The following ODF2L variants were observed in gnomAD, a reference collection of about 807,000 sequenced individuals.
ODF2L encodes outer dense fiber of sperm tails 2 like, also known as protein BCAP.
ODF2L carries 76 observed loss-of-function variants against 86.3 expected under a neutral mutation model. The observed-to-expected ratio is 0.88, with a 90% CI of 0.73 to 1.07. The LOEUF (loss-of-function observed/expected upper bound fraction) is 1.07, where lower values mean the gene tolerates loss of function less well. Ranked by LOEUF, ODF2L falls within the 50% of genes least tolerant of loss-of-function variation. ODF2L has a pLI of 0.00. For missense variants in ODF2L, 748 were observed against 717.4 expected (o/e 1.04, Z -0.49); for synonymous variants, 241 against 231.3 (o/e 1.04, Z -0.38).
At chr1:86,387,229 T>C (rs920377754) in intron 1 of ODF2L, 143 bp from the exon 2 acceptor site, 6 of 414,670 alleles carry the variant, frequency 1.4e-5, no homozygotes, top group African/African-American at 8.3e-5. Flanking sequence ...CTCATTGTTA[T>C]AGTACTTCAA....
chr1:86,384,326 T>G (rs1227767322), intron 4 of ODF2L, among the ~76,000 whole-genome samples: 1 of 151,816 alleles, frequency 6.6e-6, no homozygotes, highest in Non-Finnish European at 1.5e-5. Context: ...AAGAACTGTA[T>G]GGTATGTGAA....
chr1:86,373,134 C>A (rs1194748248), intron 8 of ODF2L, among the ~76,000 whole-genome samples: 1 of 152,014 alleles, frequency 6.6e-6, no homozygotes, highest in Non-Finnish European at 1.5e-5. Flanking sequence ...AGTCACTGTA[C>A]AACTTTGAAT....
chr1:86,354,453 T>C, intron 16 of ODF2L, 77 bp downstream of exon 15: 3 of 917,888 alleles, frequency 3.3e-6, no homozygotes, highest in Middle Eastern at 2.7e-4. Flanking sequence ...AAACAATAAC[T>C]ACAGGTTGCA....
chr1:86,387,125 GT>G (rs1029323755), intron 1 of ODF2L, 39 bp from the exon 2 acceptor site: 9 of 563,440 alleles, frequency 1.6e-5, no homozygotes, highest in South Asian at 2.8e-5. Context: ...TTTCAATAGA[GT>G]TTTTTTGTCA....
At chr1:86,353,071 A>G in intron 16 of ODF2L, 87 bp from the exon 16 acceptor site, 1 of 835,756 alleles carries the variant, frequency 1.2e-6, no homozygotes, top group Non-Finnish European at 1.9e-6. Flanking sequence ...CCTTTTTTCT[A>G]AACAGATATT....
exon 12 of ODF2L, chr1:86,360,479 A>G: frequency 3.7e-6 from 6 of 1,605,102 alleles, no homozygotes; most frequent in Non-Finnish European, 5.1e-6. Flanking sequence ...ACTTCTTGCA[A>G]TTCTGAGAGT....
chr1:86,395,082 A>C (rs1427948741), intron 1 of ODF2L, among the ~76,000 whole-genome samples: 1 of 152,024 alleles, frequency 6.6e-6, no homozygotes, highest in Non-Finnish European at 1.5e-5. Context: ...TAACCTCGTG[A>C]TCCGCCCGCC....
chr1:86,355,059 T>C, intron 14 of ODF2L, 200 bp from the exon 14 acceptor site: 1 of 552,980 alleles, frequency 1.8e-6, no homozygotes, highest in Non-Finnish European at 3.2e-6. Flanking sequence ...GAAGTTATGT[T>C]GCCTGTATTG....
At chr1:86,346,975 C>T (rs1040119683), downstream of ODF2L, 1 of 152,192 alleles carries the variant, frequency 6.6e-6, no homozygotes, top group Admixed American at 6.5e-5. Flanking sequence ...CTAACCTTTC[C>T]ATGTCTTAGT....
intron 13 of ODF2L, 73 bp downstream of exon 12, chr1:86,358,714 A>C: frequency 1.7e-6 from 1 of 593,488 alleles, no homozygotes; most frequent in Non-Finnish European, 2.8e-6. Flanking sequence ...AATGACCAAA[A>C]TGAATGAATT....
At chr1:86,384,643 T>G (rs560679357) in intron 4 of ODF2L, 33 bp downstream of exon 4, 1 of 1,293,352 alleles carries the variant, frequency 7.7e-7, no homozygotes, top group Non-Finnish European at 1.0e-6. Context: ...GAAATATCAC[T>G]ATTAAAATGA....
rs571567675 is a variant in ODF2L at position 86,379,566 on chromosome 1, A to C, written c.624+2676T>G. On this transcript the variant is annotated intron_variant, in intron 7 of 17. Transcript: ENST00000317336. ...TTCAAAGGAATTGGTAGCTCCCCAAATATATTAGGACTCTTCACTTTGAAA... is the reference window on the plus strand; with the variant it reads ...TTCAAAGGAATTGGTAGCTCCCCAACTATATTAGGACTCTTCACTTTGAAA... Among the ~76,000 whole-genome samples, 10 of 152,320 alleles carry C rather than the reference A, an allele frequency of 6.6e-5. No homozygotes were observed. The South Asian group carries it at 2.1e-3, about 32-fold the overall frequency.
intron 13 of ODF2L, among the ~76,000 whole-genome samples, chr1:86,357,268 G>T (rs1658648452): frequency 6.6e-6 from 1 of 151,868 alleles, no homozygotes. Flanking sequence ...ACAAAAAATA[G>T]CCAGACTCTT....
intron 7 of ODF2L, among the ~76,000 whole-genome samples, chr1:86,376,962 A>C (rs1480406133): frequency 6.6e-6 from 1 of 152,156 alleles, no homozygotes; most frequent in East Asian, 1.9e-4. Flanking sequence ...AGTCCTCCAA[A>C]GTCTTACTTC....
intron 11 of ODF2L, among the ~76,000 whole-genome samples, chr1:86,368,236 T>C (rs1292545704): frequency 1.3e-5 from 2 of 152,328 alleles, no homozygotes; most frequent in Admixed American, 6.5e-5. Flanking sequence ...CTTAACTCTT[T>C]TAGCTTCCTC....
intron 11 of ODF2L, among the ~76,000 whole-genome samples, chr1:86,367,654 A>G (rs1659534688): frequency 1.3e-5 from 2 of 152,134 alleles, no homozygotes; most frequent in South Asian, 4.1e-4. Context: ...GAAAAATTTA[A>G]AAGTTGTACA....
intron 1 of ODF2L, 44 bp from the exon 2 acceptor site, chr1:86,387,130 T>C (rs1211398397): frequency 1.8e-6 from 1 of 551,362 alleles, no homozygotes; most frequent in East Asian, 3.2e-5. Flanking sequence ...ATAGAGTTTT[T>C]TTGTCATTAC....
At chr1:86,381,176 A>G (rs930484264) in intron 7 of ODF2L, among the ~76,000 whole-genome samples, 1 of 152,170 alleles carries the variant, frequency 6.6e-6, no homozygotes, top group African/African-American at 2.4e-5. Context: ...TGAATTTCAT[A>G]GCAAAATTTT....
At chr1:86,368,683 T>C in exon 11 of ODF2L, 1 of 1,450,092 alleles carries the variant, frequency 6.9e-7, no homozygotes, top group South Asian at 1.5e-5. Flanking sequence ...ATCAAAATGT[T>C]CATATTCTTT....
Sources: allele counts gnomAD v4.1 joint callset (sites outside exome capture counted in the v4.1 genomes callset), GRCh38; gene constraint gnomAD v4.1.1; transcripts MANE v1.5; gene names NCBI Gene and HGNC (gene_info 2026-07-23, HGNC 2026-07-21).